The following INTS1 variants were observed in gnomAD, a reference collection of about 807,000 sequenced individuals.
INTS1 encodes integrator complex subunit 1.
Under a neutral mutation model 241.6 loss-of-function variants are expected in INTS1, and 137 were observed. The observed-to-expected ratio is 0.57, with a 90% CI of 0.49 to 0.65. INTS1 has a LOEUF of 0.65. Among genes scored for constraint, INTS1 ranks in the 30% least tolerant of loss-of-function variants. The pLI, the probability that INTS1 is intolerant of heterozygous loss-of-function variation, is 0.00. For synonymous variants in INTS1, 1,692 were observed against 1,337.8 expected (o/e 1.26, Z -5.78); for missense variants, 3,073 against 3,032.2 (o/e 1.01, Z -0.32).
chr7:1,487,939 C>T lies in INTS1; in HGVS notation c.2337G>A (p.Pro779=), dbSNP rs367739315. Residue 779 remains proline (P), a synonymous_variant, in exon 19 of 48, where the codon CCG becomes CCA. Transcript: ENST00000404767. ...GGGTCTCCTCATCCGTCAGGGTGCA[C>T]GGTGGGTAGGAGTAGTTGCTAGGGC... ...MVMTNNYSYP[P]CTLTDEETRT... The T allele has an allele frequency of 5.1e-5, 82 of 1,613,286 alleles. No homozygotes were observed. The East Asian group carries it at 7.1e-4, about 14-fold the overall frequency.
chr7:1,504,251 CCGGGAG>C, intron 1 of INTS1, 66 bp downstream of exon 1: 1 of 593,198 alleles, frequency 1.7e-6, no homozygotes, highest in African/African-American at 2.0e-5. Flanking sequence ...GGCCCAGAGG[CCGGGAG>C]CGGTAGCCGG....
At chr7:1,500,841 G>A (rs988026687) in intron 3 of INTS1, 3 of 157,088 alleles carry the variant, frequency 1.9e-5, no homozygotes, top group South Asian at 2.0e-4. Flanking sequence ...TCCTCCAGAC[G>A]AGTGCCTGAC....
At chr7:1,490,169 C>A (rs879890396) in intron 16 of INTS1, among the ~76,000 whole-genome samples, 4 of 152,252 alleles carry the variant, frequency 2.6e-5, no homozygotes, top group Admixed American at 2.6e-4. Flanking sequence ...GCAGAGCGGG[C>A]AGCACCTGCC....
rs1583156780 is a variant in INTS1, at chr7:1,497,389, A to G, written c.1426-75T>C. 2 of 1,490,442 alleles carry G rather than the reference A, an allele frequency of 1.3e-6. No homozygotes were observed. Among genetic ancestry groups the G allele is most frequent in the East Asian group, 4.7e-5 (2 of 42,656 alleles). 92.3% of individuals were successfully genotyped at this position (1,490,442 alleles called of 1,614,324 possible). ...GTCACAGGCCCCTTCCCGCAGCACCAACAGGTATGGCGCCCGAGGGCGCTG... is the reference window on the plus strand; with the variant it reads ...GTCACAGGCCCCTTCCCGCAGCACCGACAGGTATGGCGCCCGAGGGCGCTG... On this transcript the variant is annotated intron_variant, in intron 10 of 47. Coordinates refer to ENST00000404767, the MANE Select transcript of INTS1 (RefSeq NM_001080453.3). This position sits in a 1 kb window ranked among gnomAD's most constrained non-coding sequence, Gnocchi z 5.3.
chr7:1,494,327 C>G (rs1782740293), intron 14 of INTS1: 2 of 266,122 alleles, frequency 7.5e-6, no homozygotes, highest in African/African-American at 2.2e-5. Flanking sequence ...GCCCAGGGCA[C>G]GAGGTGGGGG....
intron 27 of INTS1, 52 bp downstream of exon 27, chr7:1,482,488 CAAGGGG>C: frequency 6.6e-7 from 1 of 1,525,898 alleles, no homozygotes; most frequent in Non-Finnish European, 8.9e-7. Context: ...AAGGAGCAGG[CAAGGGG>C]CCCGGGACCC....
At position 1,474,299 on chromosome 7, in the gene INTS1, G is replaced by A. The variant is rs201767393; in HGVS notation, c.5698C>T (p.Arg1900Trp). 8.6e-5 allele frequency: 139 copies of A among 1,608,648 alleles called. 1 individual carries two copies. The East Asian group carries it at 2.7e-3, about 32-fold the overall frequency. ...GRTHLNFQEF[R>W]QQNHLSCFLH... is the part of the protein sequence containing the mutation. Reference sequence around the variant, plus strand: ...AAGCAGCTCAGGTGGTTCTGCTGCCGGAACTCCTGGAAGTTGAGGTGGGTG... The same window carrying A: ...AAGCAGCTCAGGTGGTTCTGCTGCCAGAACTCCTGGAAGTTGAGGTGGGTG... Residue 1900 changes from arginine to tryptophan, a missense_variant, in exon 41 of 48, where the codon CGG (arginine) becomes TGG (tryptophan). Physicochemically the swap from Arg to Trp is moderately radical, Grantham distance 101. Coordinates refer to ENST00000404767, the MANE Select transcript of INTS1 (RefSeq NM_001080453.3).
intron 20 of INTS1, 83 bp from the exon 21 acceptor site, chr7:1,487,184 A>T: frequency 6.6e-7 from 1 of 1,513,494 alleles, no homozygotes; most frequent in Non-Finnish European, 8.9e-7. Flanking sequence ...GCGGAGCCGG[A>T]AAGGGCGACA....
In INTS1 at chr7:1,503,033, C is replaced by A. The variant is rs1009068667; in HGVS notation, c.217G>T (p.Gly73Cys). ...AALSSASALT[G>C]LTKRPKLSST... ...GAGAGTTTGGGGCGTTTGGTGAGAC[C>A]GGTGAGGGCCGAGGCACTGGACAAC... The change falls in exon 3 of 48, where the codon GGT (glycine) becomes TGT (cysteine). Residue 73 changes from glycine (G) to cysteine (C), a missense_variant. Physicochemically the swap from Gly to Cys is radical, Grantham distance 159. Transcript: ENST00000404767. The A allele has an allele frequency of 1.4e-5, 23 of 1,613,672 alleles. No individual in the cohort carries two copies. The highest frequency in any genetic ancestry group is 1.9e-5 in the Non-Finnish European group (23 of 1,179,852).
At chr7:1,471,528 G>A in intron 45 of INTS1, 43 bp downstream of exon 45, 2 of 1,596,462 alleles carry the variant, frequency 1.3e-6, no homozygotes, top group Non-Finnish European at 1.7e-6. Flanking sequence ...GTTCCCCAAG[G>A]GAGTGGCTCC....
chr7:1,484,955 C>T (rs1183765409), intron 24 of INTS1, 143 bp downstream of exon 24: 3 of 527,138 alleles, frequency 5.7e-6, no homozygotes, highest in East Asian at 7.2e-5. Context: ...CCCGTCCCCT[C>T]CCCAGGGCCA....
chr7:1,491,671 C>A (rs1314871419), intron 16 of INTS1, among the ~76,000 whole-genome samples: 1 of 152,220 alleles, frequency 6.6e-6, no homozygotes, highest in African/African-American at 2.4e-5. Context: ...GAGGTCAAAG[C>A]AGGAGGACTG....
Position 1,477,610 on chromosome 7 carries a change from G to A in INTS1, c.4878C>T (p.Asp1626=), listed in dbSNP as rs1034832291. The A allele has an allele frequency of 2.5e-6, 4 of 1,576,630 alleles. No homozygotes were observed. The highest frequency in any genetic ancestry group is 1.3e-5 in the African/African-American group (1 of 74,102). The stretch of plus-strand genomic sequence containing the variant: ...CGGGGCAGCTGCTGACCACCTCGGG[G>A]TCCAGCATTTCCAGCCAGTCCACTA... ...GLLVDWLEML[D]PEVVSSCPDL... Residue 1626 remains aspartate (D), a synonymous_variant, in exon 35 of 48, where the codon GAC becomes GAT. Coordinates refer to ENST00000404767, the MANE Select transcript of INTS1 (RefSeq NM_001080453.3).
rs947079476 is a variant in INTS1, at chr7:1,480,736, G to A, written c.3949+99C>T. 24 of 971,910 alleles carry A rather than the reference G, an allele frequency of 2.5e-5. No individual in the cohort carries two copies. In the African/African-American group the frequency reaches 3.7e-4, roughly 15 times the overall value. The allele number at this position is 971,910 out of a possible 1,614,324, so 60.2% of individuals were successfully genotyped here. ...CAGCAAGTGTGCACTGCCCTGTGTG[G>A]CTGTGCAGGCCCCGTCCCCCTCCCC... is the stretch of plus-strand genomic sequence containing the variant. On this transcript the variant is annotated intron_variant, in intron 29 of 47. Transcript: ENST00000404767.
chr7:1,484,988 C>A (rs567787897), intron 24 of INTS1, 110 bp downstream of exon 24: 7 of 581,492 alleles, frequency 1.2e-5, no homozygotes, highest in African/African-American at 9.8e-5. Context: ...GCCCCGTCCC[C>A]TCCCCAGGGC....
chr7:1,491,051 T>C (rs926819817), intron 16 of INTS1, among the ~76,000 whole-genome samples: 1 of 152,092 alleles, frequency 6.6e-6, no homozygotes, highest in Non-Finnish European at 1.5e-5. Context: ...CAGAATGAAG[T>C]GGGGCCCCAC....
rs147684891 is a variant in INTS1, at chr7:1,500,451, C to G, written c.350-85G>C. The G allele has an allele frequency of 7.6e-4, 1,055 of 1,387,030 alleles. 7 individuals carry two copies. In the African/African-American group the frequency reaches 0.014, roughly 18 times the overall value. 85.9% of individuals were successfully genotyped at this position (1,387,030 alleles called of 1,614,324 possible). ...GGGACACCGGGAAGACCACGAGGAA[C>G]CCAGAGCTCTCAGGGTCGGCCCTGC... On this transcript the variant is annotated intron_variant, in intron 3 of 47. Coordinates refer to ENST00000404767, the MANE Select transcript of INTS1 (RefSeq NM_001080453.3).
At chr7:1,477,437 G>A (rs559884316) in intron 35 of INTS1, 113 bp downstream of exon 35, 12 of 1,231,492 alleles carry the variant, frequency 9.7e-6, no homozygotes, top group South Asian at 4.8e-5. Context: ...CTGAGAGCAG[G>A]GGGGGTGCTG....
rs992609891 is a variant in INTS1, at chr7:1,480,889, A to G, written c.3895T>C (p.Ser1299Pro). The change falls in exon 29 of 48, where the codon TCC becomes CCC. Residue 1299 changes from serine to proline, a missense_variant. Ser to Pro is a moderately conservative substitution (Grantham distance 74, BLOSUM62 -1). Transcript: ENST00000404767. ...LVEVQHERGA[S>P]GGQTFHSLLT... ...AAGGAGTGGAAAGTCTGGCCTCCGG[A>G]GGCGCCGCGCTCATGCTGGACCTCC... 2 of 1,560,290 alleles carry G rather than the reference A, an allele frequency of 1.3e-6. No individual in the cohort carries two copies. Among genetic ancestry groups the G allele is most frequent in the Non-Finnish European group, 1.7e-6 (2 of 1,153,236 alleles).
Sources: gnomAD v4.1 joint callset for allele counts (sites outside exome capture counted in the v4.1 genomes callset) on GRCh38, gnomAD v4.1.1 for gene constraint, Gnocchi (gnomAD v3.1) non-coding constraint, MANE v1.5 for transcripts, NCBI Gene and HGNC (gene_info 2026-07-23, HGNC 2026-07-21) for gene names.